The following UBE2F variants were observed in gnomAD, a reference collection of about 807,000 sequenced individuals.
The protein encoded by UBE2F is NEDD8-conjugating enzyme UBE2F.
Under a neutral mutation model 29.6 loss-of-function variants are expected in UBE2F, and 5 were observed. The observed-to-expected ratio is 0.17, with a 90% confidence interval of 0.09 to 0.36. UBE2F has a LOEUF of 0.36. UBE2F is among the 10% of genes least tolerant of loss of function. UBE2F has a pLI of 1.00. For synonymous variants in UBE2F, 66 were observed against 81.8 expected (o/e 0.81, Z 1.04); for missense variants, 141 against 228.5 (o/e 0.62, Z 2.47).
intron 6 of UBE2F, among the ~76,000 whole-genome samples, chr2:238,025,815 G>C (rs1360740700): frequency 6.6e-6 from 1 of 152,332 alleles, no homozygotes; most frequent in East Asian, 1.9e-4. Context: ...TGGCAGGCTT[G>C]AGACGACCTT....
intron 1 of UBE2F, among the ~76,000 whole-genome samples, chr2:237,970,123 G>C (rs2063144430): frequency 6.6e-6 from 1 of 152,128 alleles, no homozygotes; most frequent in Non-Finnish European, 1.5e-5. Context: ...CCAGCACTTT[G>C]GGAGGCTGAG....
chr2:238,037,123 T>G (rs748320127), intron 9 of UBE2F, among the ~76,000 whole-genome samples: 2 of 152,202 alleles, frequency 1.3e-5, no homozygotes, highest in African/African-American at 2.4e-5. Context: ...ATTTTTTTCC[T>G]CTAATGCAGT....
chr2:238,031,835 AAC>A (rs990128242), intron 7 of UBE2F, among the ~76,000 whole-genome samples: 2 of 152,274 alleles, frequency 1.3e-5, no homozygotes, highest in Admixed American at 6.5e-5. Flanking sequence ...ATGTAAAAAC[AAC>A]AGACTTTATT....
In UBE2F at chr2:238,041,392, G is replaced by A; in HGVS notation, c.*54G>A. ...CTGTGTTACAGTTTGTCTCTAACATGAAACAGCAAGAGGTAGCCCCCTCTC... is the reference window on the plus strand; with the variant it reads ...CTGTGTTACAGTTTGTCTCTAACATAAAACAGCAAGAGGTAGCCCCCTCTC... On this transcript the variant is annotated 3_prime_UTR_variant, in exon 10 of 10. Coordinates refer to ENST00000272930, the MANE Select transcript of UBE2F (RefSeq NM_080678.3). 1.9e-6 allele frequency: 3 copies of A among 1,592,064 alleles called. No individual in the cohort carries two copies. The highest frequency in any genetic ancestry group is 2.2e-5 in the South Asian group (2 of 90,394).
chr2:237,973,548 A>T, intron 2 of UBE2F: 1 of 641,398 alleles, frequency 1.6e-6, no homozygotes, highest in Non-Finnish European at 2.5e-6. Context: ...AGCTGCCATT[A>T]TCTTCCTTTC....
intron 1 of UBE2F, among the ~76,000 whole-genome samples, chr2:237,971,882 CA>C: frequency 6.6e-6 from 1 of 152,274 alleles, no homozygotes; most frequent in South Asian, 2.1e-4. Context: ...TGTGTTGGGG[CA>C]GGGGGCGTAT....
chr2:237,996,627 C>T (rs1436497696), intron 4 of UBE2F, among the ~76,000 whole-genome samples: 2 of 152,020 alleles, frequency 1.3e-5, no homozygotes, highest in Non-Finnish European at 2.9e-5. Context: ...AGGCATGCGC[C>T]ACCATGCCCA....
At chr2:238,012,336 A>G (rs2064053884) in intron 4 of UBE2F, among the ~76,000 whole-genome samples, 1 of 152,206 alleles carries the variant, frequency 6.6e-6, no homozygotes, top group South Asian at 2.1e-4. Context: ...TGAAGTGTCC[A>G]CCAGAATCAC....
chr2:238,026,910 A>G (rs2064445823), intron 6 of UBE2F, among the ~76,000 whole-genome samples: 1 of 152,232 alleles, frequency 6.6e-6, no homozygotes, highest in South Asian at 2.1e-4. Flanking sequence ...TACGTATTGA[A>G]ACATTAAAAT....
At chr2:238,015,639 C>T (rs2064134973) in intron 4 of UBE2F, among the ~76,000 whole-genome samples, 1 of 151,786 alleles carries the variant, frequency 6.6e-6, no homozygotes, top group Admixed American at 6.6e-5. Context: ...TGCTGTTATG[C>T]ATTCATTTCA....
At chr2:238,027,956 A>G (rs1369759651) in intron 6 of UBE2F, among the ~76,000 whole-genome samples, 1 of 152,198 alleles carries the variant, frequency 6.6e-6, no homozygotes, top group East Asian at 1.9e-4. Flanking sequence ...CAGAGGCTCC[A>G]TGTCTGTGGG....
intron 4 of UBE2F, among the ~76,000 whole-genome samples, chr2:238,004,993 C>T (rs1393272379): frequency 6.6e-6 from 1 of 152,114 alleles, no homozygotes; most frequent in Non-Finnish European, 1.5e-5. Flanking sequence ...AAGGAGTGCC[C>T]TCTTGCCAAC....
At chr2:238,026,977 G>A (rs75099904) in intron 6 of UBE2F, among the ~76,000 whole-genome samples, 3,066 of 152,256 alleles carry the variant, frequency 0.02, 102 homozygotes, top group African/African-American at 0.07. Context: ...CCACTGCCCC[G>A]CTTCCTCCTG....
intron 6 of UBE2F, among the ~76,000 whole-genome samples, chr2:238,025,976 T>A (rs2064417854): frequency 6.6e-6 from 1 of 152,220 alleles, no homozygotes; most frequent in African/African-American, 2.4e-5. Context: ...ATCAGTGATT[T>A]CTCCTCCTAA....
At position 237,967,247 on chromosome 2, in the gene UBE2F, G is replaced by A; in HGVS notation, c.-17+115G>A. The A allele has an allele frequency of 4.2e-6, 3 of 720,350 alleles. No homozygotes were observed. The highest frequency in any genetic ancestry group is 6.9e-4 in the Middle Eastern group (1 of 1,440). 44.6% of individuals were successfully genotyped at this position (720,350 alleles called of 1,614,324 possible). ...GTGGCGGGGCCGCCTCGGGCCCGCC[G>A]GGTTCCTCACGCCGGGGGCCTGGCG... On this transcript the variant is annotated intron_variant, in intron 1 of 9. Coordinates refer to ENST00000272930, the MANE Select transcript of UBE2F (RefSeq NM_080678.3). This position sits in a 1 kb window ranked among gnomAD's most constrained non-coding sequence, Gnocchi z 6.3.
intron 4 of UBE2F, among the ~76,000 whole-genome samples, chr2:238,016,203 G>GAT (rs1649438033): frequency 6.6e-6 from 1 of 152,206 alleles, no homozygotes; most frequent in Admixed American, 6.5e-5. Flanking sequence ...GCAGTAAGCA[G>GAT]ATAAAGAAGT....
intron 4 of UBE2F, among the ~76,000 whole-genome samples, chr2:238,010,946 CCTT>C (rs748369332): frequency 1.3e-4 from 20 of 152,126 alleles, no homozygotes; most frequent in Admixed American, 2.6e-4. Context: ...TTCTTTGACT[CCTT>C]CTCTCCTCCC....
At chr2:237,979,486 G>A (rs2063342259) in intron 2 of UBE2F, among the ~76,000 whole-genome samples, 1 of 152,224 alleles carries the variant, frequency 6.6e-6, no homozygotes, top group Non-Finnish European at 1.5e-5. Flanking sequence ...TCCTGGCGCG[G>A]AAGTCTAGCA....
chr2:237,998,936 T>TA (rs1295821669), intron 4 of UBE2F, among the ~76,000 whole-genome samples: 1 of 152,158 alleles, frequency 6.6e-6, no homozygotes, highest in Non-Finnish European at 1.5e-5. Context: ...TCTTTTGCCC[T>TA]AAAAAAACTT....
Sources: allele counts gnomAD v4.1 joint callset (sites outside exome capture counted in the v4.1 genomes callset), GRCh38; gene constraint gnomAD v4.1.1; non-coding constraint Gnocchi (gnomAD v3.1); transcripts MANE v1.5; gene names NCBI Gene and HGNC (gene_info 2026-07-23, HGNC 2026-07-21).